The following FCMR variants were observed in gnomAD, a reference collection of about 807,000 sequenced individuals.
FCMR encodes the protein immunoglobulin mu Fc receptor.
A neutral mutation model predicts 41.6 loss-of-function variants in FCMR; 34 were observed. The ratio of observed to expected loss-of-function variants is 0.82; its 90% CI spans 0.62 to 1.09. The LOEUF is 1.09. Among genes scored for constraint, FCMR ranks in the 50% least tolerant of loss-of-function variants. The pLI is 0.00. For missense variants in FCMR, 496 were observed against 512.5 expected (o/e 0.97, Z 0.31); for synonymous variants, 209 against 211.8 (o/e 0.99, Z 0.12).
Position 206,913,046 on chromosome 1 carries a change from T to C in FCMR, c.374-4A>G, listed in dbSNP as rs1679013313. 6.2e-6 allele frequency: 10 copies of C among 1,606,660 alleles called. No individual in the cohort carries two copies. Among genetic ancestry groups the C allele is most frequent in the Non-Finnish European group, 8.5e-6 (10 of 1,173,444 alleles). On this transcript the variant is annotated splice_region_variant and splice_polypyrimidine_tract_variant and intron_variant, in intron 2 of 7. Transcript: ENST00000367091. ...TCTTCCCATGATGGCTCGTATTCTA[T>C]TGGAAGGAAGAGGAATATGTTGGTG...
chr1:206,910,806 T>C (rs1678906512), intron 4 of FCMR, among the ~76,000 whole-genome samples: 1 of 152,192 alleles, frequency 6.6e-6, no homozygotes, highest in African/African-American at 2.4e-5. Context: ...CCCCTCAATT[T>C]TCTCTGCATA....
Position 206,909,423 on chromosome 1 carries a change from C to G in FCMR, c.1044+39G>C. The G allele has an allele frequency of 5.0e-6, 6 of 1,202,132 alleles. No individual in the cohort carries two copies. Among genetic ancestry groups the G allele is most frequent in the Non-Finnish European group, 6.3e-6 (6 of 959,030 alleles). The allele number at this position is 1,202,132 out of a possible 1,614,324, so 74.5% of individuals were successfully genotyped here. A position where few individuals can be genotyped will look rare whatever the true frequency, so the allele number is the denominator to read the frequency against. On this transcript the variant is annotated intron_variant, in intron 7 of 7. Transcript: ENST00000367091. The surrounding 1 kb of genome is among the most constrained non-coding windows in gnomAD (Gnocchi z 5.0). Reference sequence around the variant, plus strand: ...CCGCCCAGGGCTGGGGCCGCCCAGTCGGGCCGCGGCTGCCAATCAGGGCAG... The same window carrying G: ...CCGCCCAGGGCTGGGGCCGCCCAGTGGGGCCGCGGCTGCCAATCAGGGCAG...
chr1:206,912,912 T>C lies in FCMR; in HGVS notation c.487+17A>G, dbSNP rs1679006691. The C allele has an allele frequency of 4.6e-6, 7 of 1,533,336 alleles. No individual in the cohort carries two copies. The African/African-American group carries it at 8.2e-5, about 18-fold the overall frequency. The allele number at this position is 1,533,336 out of a possible 1,614,324, so 95.0% of individuals were successfully genotyped here. A position where few individuals can be genotyped will look rare whatever the true frequency, so the allele number is the denominator to read the frequency against. The stretch of plus-strand genomic sequence containing the variant: ...GCATCTCACCCACCTCTCCTACCCT[T>C]GCTATGGTGAACTGACCTCTGGTTA... On this transcript the variant is annotated intron_variant, in intron 3 of 7. Coordinates refer to ENST00000367091, the MANE Select transcript of FCMR (RefSeq NM_005449.5).
At chr1:206,918,650 AGTGTGTGT>A (rs10652847) in intron 1 of FCMR, among the ~76,000 whole-genome samples, 308 of 145,980 alleles carry the variant, frequency 2.1e-3, no homozygotes, top group African/African-American at 2.4e-3. Context: ...ATAAATTTTA[AGTGTGTGT>A]GTGTGTGTGT....
At chr1:206,906,293 G>A in intron 7 of FCMR, 1 of 267,338 alleles carries the variant, frequency 3.7e-6, no homozygotes, top group Non-Finnish European at 7.6e-6. Flanking sequence ...GAAGGAAGGT[G>A]GTAATACCTG....
In FCMR at chr1:206,913,989, A is replaced by G; in HGVS notation, c.143T>C (p.Leu48Pro). Residue 48 changes from leucine to proline, a missense_variant, in exon 2 of 8, where the codon CTG (leucine) becomes CCG (proline). By Grantham distance (98) the Leu-to-Pro change is moderately conservative. Coordinates refer to ENST00000367091, the MANE Select transcript of FCMR (RefSeq NM_005449.5). ...PLPEMHVRIY[L>P]CREMAGSGTC... is the part of the protein sequence containing the mutation. Reference sequence around the variant, plus strand: ...TCCAGATCCAGCCATCTCCCGGCACAGATATATCCTCACATGCATTTCAGG... The same window carrying G: ...TCCAGATCCAGCCATCTCCCGGCACGGATATATCCTCACATGCATTTCAGG... The G allele has an allele frequency of 6.2e-7, 1 of 1,614,188 alleles. No individual in the cohort carries two copies. Among genetic ancestry groups the G allele is most frequent in the Middle Eastern group, 1.6e-4 (1 of 6,062 alleles).
Position 206,909,611 on chromosome 1 carries a change from C to G in FCMR, c.986-91G>C. On this transcript the variant is annotated intron_variant, in intron 6 of 7. Transcript: ENST00000367091. This position sits in a 1 kb window ranked among gnomAD's most constrained non-coding sequence, Gnocchi z 5.0. ...TCCCAGCTCCACCCCCGCCCCACTC[C>G]CAGCTCCACCCTGTGGGAAGCCCTG... 1 of 1,288,652 alleles carries G rather than the reference C, an allele frequency of 7.8e-7. No individual in the cohort carries two copies. The highest frequency in any genetic ancestry group is 9.9e-7 in the Non-Finnish European group (1 of 1,005,584). The allele number at this position is 1,288,652 out of a possible 1,614,324, so 79.8% of individuals were successfully genotyped here.
At position 206,911,697 on chromosome 1, in the gene FCMR, C is replaced by A. The variant is rs774377645; in HGVS notation, c.710+33G>T. On this transcript the variant is annotated intron_variant, in intron 4 of 7. Coordinates refer to ENST00000367091, the MANE Select transcript of FCMR (RefSeq NM_005449.5). ...GTTTCAGTGGATCTCTTAATTCTAG[C>A]CTAACTCTAGATCCTGGACAGTGGT... The A allele has an allele frequency of 1.1e-5, 17 of 1,583,500 alleles. No individual in the cohort carries two copies. The South Asian group carries it at 1.1e-4, about 10-fold the overall frequency.
In FCMR at chr1:206,903,474, GCC is replaced by G. The variant is rs1678481358; in HGVS notation, c.*1543_*1544del. The G allele has an allele frequency of 6.1e-6, 1 of 165,062 alleles. No individual in the cohort carries two copies. The highest frequency in any genetic ancestry group is 1.3e-5 in the Non-Finnish European group (1 of 75,380). The allele number at this position is 165,062 out of a possible 1,614,324, so 10.2% of individuals were successfully genotyped here. On this transcript the variant is annotated 3_prime_UTR_variant, in exon 8 of 8. Coordinates refer to ENST00000367091, the MANE Select transcript of FCMR (RefSeq NM_005449.5). ...TTAATAAACTGTGGTGCTTTTTTTG[GCC>G]TGTCTTTGGATTGTTAAAAAACAGA... is the stretch of plus-strand genomic sequence containing the variant.
chr1:206,906,621 T>C (rs1678657535), intron 7 of FCMR, among the ~76,000 whole-genome samples: 1 of 152,210 alleles, frequency 6.6e-6, no homozygotes, highest in South Asian at 2.1e-4. Flanking sequence ...ATGCTCCCCA[T>C]GGAAGCTATA....
At chr1:206,916,971 G>A (rs1275695156) in intron 1 of FCMR, among the ~76,000 whole-genome samples, 2 of 152,330 alleles carry the variant, frequency 1.3e-5, no homozygotes, top group East Asian at 1.9e-4. Flanking sequence ...AGAAGGCATC[G>A]AAAGGAACCA....
chr1:206,912,824 C>A, intron 3 of FCMR, 105 bp downstream of exon 3: 3 of 799,138 alleles, frequency 3.8e-6, no homozygotes, highest in Non-Finnish European at 6.7e-6. Flanking sequence ...AGACTCAGCT[C>A]AGCTCTGCCA....
At position 206,904,841 on chromosome 1, in the gene FCMR, C is replaced by T. The variant is rs560169636; in HGVS notation, c.*178G>A. 1.8e-4 allele frequency: 118 copies of T among 674,230 alleles called. 1 individual carries two copies. Among genetic ancestry groups the T allele is most frequent in the African/African-American group, 1.2e-3 (69 of 55,878 alleles). The allele number at this position is 674,230 out of a possible 1,614,324, so 41.8% of individuals were successfully genotyped here. A position where few individuals can be genotyped will look rare whatever the true frequency, so the allele number is the denominator to read the frequency against. ...CAGGGGGCTGCCAAGGTGTGCAAGA[C>T]GACCTGGGGGCAGAGCCATGCTCAG... is the stretch of plus-strand genomic sequence containing the variant. On this transcript the variant is annotated 3_prime_UTR_variant, in exon 8 of 8. Coordinates refer to ENST00000367091, the MANE Select transcript of FCMR (RefSeq NM_005449.5).
chr1:206,909,726 T>C lies in FCMR; in HGVS notation c.984A>G (p.Ala328=). 2.1e-6 allele frequency: 3 copies of C among 1,449,274 alleles called. No homozygotes were observed. Among genetic ancestry groups the C allele is most frequent in the South Asian group, 2.8e-5 (2 of 72,492 alleles). The allele number at this position is 1,449,274 out of a possible 1,614,324, so 89.8% of individuals were successfully genotyped here. A position where few individuals can be genotyped will look rare whatever the true frequency, so the allele number is the denominator to read the frequency against. The change falls in exon 6 of 8, where the codon GCA becomes GCG. Residue 328 remains alanine (A), a splice_region_variant and synonymous_variant. Transcript: ENST00000367091. The surrounding 1 kb of genome is among the most constrained non-coding windows in gnomAD (Gnocchi z 5.0). ...CCCGTGGCCCGCCCGGCGGCTCACC[T>C]GCAGCGTCCGCTCCACGAGCGCGCC... ...CPRRARGADA[A]GTGEAPVPGP...
Position 206,909,417 on chromosome 1 carries a change from C to T in FCMR, c.1044+45G>A. 1 of 1,181,290 alleles carries T rather than the reference C, an allele frequency of 8.5e-7. No individual in the cohort carries two copies. Among genetic ancestry groups the T allele is most frequent in the Non-Finnish European group, 1.1e-6 (1 of 939,892 alleles). 73.2% of individuals were successfully genotyped at this position (1,181,290 alleles called of 1,614,324 possible). On this transcript the variant is annotated intron_variant, in intron 7 of 7. Transcript: ENST00000367091. This position sits in a 1 kb window ranked among gnomAD's most constrained non-coding sequence, Gnocchi z 5.0. ...GGGTCCCCGCCCAGGGCTGGGGCCG[C>T]CCAGTCGGGCCGCGGCTGCCAATCA...
In FCMR at chr1:206,918,768, A is replaced by G. The variant is rs147510892; in HGVS notation, c.37+3050T>C. On this transcript the variant is annotated intron_variant, in intron 1 of 7. Transcript: ENST00000367091. ...TCATTAGTCAAGGTAAAAAGGTTTG[A>G]AAGCTCACACTGCATGACACTGCCT... is the stretch of plus-strand genomic sequence containing the variant. Among the ~76,000 whole-genome samples, 258 of 151,824 alleles carry G rather than the reference A, an allele frequency of 1.7e-3. 3 individuals are homozygous for G. Among genetic ancestry groups the G allele is most frequent in the African/African-American group, 5.6e-3 (232 of 41,346 alleles).
chr1:206,917,751 T>C lies in FCMR; in HGVS notation c.38-3657A>G, dbSNP rs1037869152. 6.7e-6 allele frequency: 3 copies of C among 447,858 alleles called. No individual in the cohort carries two copies. In the Admixed American group the frequency reaches 7.3e-5, roughly 11 times the overall value. 27.7% of individuals were successfully genotyped at this position (447,858 alleles called of 1,614,324 possible). Reference sequence around the variant, plus strand: ...AATTGAGGCTCCCACTTCAGCCTCCTGAATAGCTGAGATCACAGGCGCCTG... The same window carrying C: ...AATTGAGGCTCCCACTTCAGCCTCCCGAATAGCTGAGATCACAGGCGCCTG... On this transcript the variant is annotated intron_variant, in intron 1 of 7. Coordinates refer to ENST00000367091, the MANE Select transcript of FCMR (RefSeq NM_005449.5).
upstream of FCMR, among the ~76,000 whole-genome samples, chr1:206,922,753 C>T (rs1246061887): frequency 6.6e-6 from 1 of 152,174 alleles, no homozygotes; most frequent in East Asian, 1.9e-4. Context: ...CCCCAAGGGC[C>T]CAAGGGTAAG....
chr1:206,912,040 C>A (rs189420355), intron 3 of FCMR, 88 bp from the exon 4 acceptor site: 2 of 1,019,238 alleles, frequency 2.0e-6, no homozygotes, highest in South Asian at 1.5e-5. Context: ...CCACAACATA[C>A]CCTTCCCTTT....
Sources: allele counts gnomAD v4.1 joint callset (sites outside exome capture counted in the v4.1 genomes callset), GRCh38; gene constraint gnomAD v4.1.1; non-coding constraint Gnocchi (gnomAD v3.1); transcripts MANE v1.5; gene names NCBI Gene and HGNC (gene_info 2026-07-23, HGNC 2026-07-21).